The following SNX31 variants were observed in gnomAD, a reference collection of about 807,000 sequenced individuals.
SNX31 encodes sorting nexin-31.
In SNX31, 58 loss-of-function variants were observed where a neutral mutation model predicts 65.4. The ratio of observed to expected loss-of-function variants is 0.89; its 90% CI spans 0.72 to 1.10. The LOEUF is 1.10. Ranked by LOEUF, SNX31 falls within the 50% of genes least tolerant of loss-of-function variation. SNX31 has a pLI of 0.00. For synonymous variants in SNX31, 181 were observed against 190.1 expected, an observed-to-expected ratio of 0.95 and a Z score of 0.39; for missense variants, 523 against 529.7, an observed-to-expected ratio of 0.99 and a Z score of 0.12.
At chr8:100,611,907 G>T in intron 7 of SNX31, 93 bp downstream of exon 7, 1 of 957,020 alleles carries the variant, frequency 1.0e-6, no homozygotes, top group Non-Finnish European at 1.7e-6. Flanking sequence ...CAGCTGTCAG[G>T]CTATGAGCAG....
At chr8:100,653,327 A>G (rs1231124853), upstream of SNX31, among the ~76,000 whole-genome samples, 1 of 152,214 alleles carries the variant, frequency 6.6e-6, no homozygotes, top group East Asian at 1.9e-4. Context: ...CAGAACACCT[A>G]CTCAGAGACT....
In SNX31 at chr8:100,639,906, A is replaced by G. The variant is rs545791895; in HGVS notation, c.142-3895T>C. ...AGAAAGTAAGGAAACATTCAAAACA[A>G]ATGAAAAAAACAAATCAGGAATGGG... On this transcript the variant is annotated intron_variant, in intron 2 of 13. Transcript: ENST00000311812. 2.6e-5 allele frequency among the ~76,000 whole-genome samples: 4 copies of G among 152,300 alleles called. No homozygotes were observed. In the East Asian group the frequency reaches 7.7e-4, roughly 29 times the overall value.
chr8:100,649,369 C>T (rs373944106), intron 1 of SNX31, 21 bp from the exon 2 acceptor site: 80 of 1,613,156 alleles, frequency 5.0e-5, no homozygotes, highest in Middle Eastern at 3.3e-4. Context: ...ACAGACACCC[C>T]GTCCCTGGTG....
chr8:100,659,208 T>C (rs146282200), intron 1 of SNX31, among the ~76,000 whole-genome samples: 2,452 of 152,078 alleles, frequency 0.016, 68 homozygotes, highest in African/African-American at 0.055. Context: ...TAGCCGGGCC[T>C]GGTGGTGGGC....
intron 11 of SNX31, among the ~76,000 whole-genome samples, chr8:100,586,579 T>C (rs1172499797): frequency 1.3e-5 from 2 of 152,214 alleles, no homozygotes; most frequent in African/African-American, 4.8e-5. Flanking sequence ...CCCAAATCTC[T>C]CTATGTCTCT....
At chr8:100,586,800 A>G (rs1189921675) in intron 11 of SNX31, among the ~76,000 whole-genome samples, 2 of 152,216 alleles carry the variant, frequency 1.3e-5, no homozygotes, top group Non-Finnish European at 2.9e-5. Context: ...TGTTCCATGG[A>G]ACTTAGCCTG....
intron 4 of SNX31, among the ~76,000 whole-genome samples, chr8:100,620,470 C>T (rs748983983): frequency 1.3e-5 from 2 of 152,200 alleles, no homozygotes; most frequent in Non-Finnish European, 2.9e-5. Context: ...CTCCCCACCA[C>T]ATGCTTACAA....
At chr8:100,585,027 T>C (rs1408982558) in intron 11 of SNX31, among the ~76,000 whole-genome samples, 2 of 152,124 alleles carry the variant, frequency 1.3e-5, no homozygotes, top group Non-Finnish European at 2.9e-5. Flanking sequence ...CCTGGCCCAC[T>C]TTCTTATTTT....
chr8:100,603,670 C>G (rs1815862783), intron 8 of SNX31, among the ~76,000 whole-genome samples: 1 of 151,492 alleles, frequency 6.6e-6, no homozygotes, highest in Non-Finnish European at 1.5e-5. Context: ...CTCCTGACCT[C>G]AGATACCTCG....
rs368885001 is a variant in SNX31 at position 100,600,433 on chromosome 8, C to A, written c.690G>T (p.Gln230His). The A allele has an allele frequency of 2.2e-5, 36 of 1,610,112 alleles. No homozygotes were observed. Among genetic ancestry groups the A allele is most frequent in the Non-Finnish European group, 2.7e-5 (32 of 1,178,822 alleles). Reference protein sequence around the residue: ...AVDLLYMQAIQDIEKGWAKPT... With the variant: ...AVDLLYMQAIHDIEKGWAKPT... Reference sequence around the variant, plus strand: ...GTTTGGCCCATCCTTTTTCAATGTCCTGTATTGCCTTAAAATAACATAAGT... The same window carrying A: ...GTTTGGCCCATCCTTTTTCAATGTCATGTATTGCCTTAAAATAACATAAGT... Residue 230 changes from glutamine to histidine, a missense_variant, in exon 9 of 14, where the codon CAG becomes CAT. By Grantham distance (24) the Gln-to-His change is conservative. Coordinates refer to ENST00000311812, the MANE Select transcript of SNX31 (RefSeq NM_152628.4).
chr8:100,620,038 A>G (rs1372288806), intron 4 of SNX31: 1 of 152,168 alleles, frequency 6.6e-6, no homozygotes, highest in African/African-American at 2.4e-5. Flanking sequence ...ATTCTGTATC[A>G]TGTTTAAAAT....
At chr8:100,631,042 C>A in intron 3 of SNX31, among the ~76,000 whole-genome samples, 1 of 152,130 alleles carries the variant, frequency 6.6e-6, no homozygotes, top group Non-Finnish European at 1.5e-5. Flanking sequence ...CCTGCCTTGG[C>A]CTCCCAAAAT....
intron 9 of SNX31, among the ~76,000 whole-genome samples, chr8:100,599,486 T>C (rs945183359): frequency 2.6e-5 from 4 of 151,410 alleles, no homozygotes; most frequent in African/African-American, 9.7e-5. Context: ...GGTAGAACAC[T>C]GGGCTGGCAG....
At chr8:100,583,830 T>A (rs1056619691) in intron 12 of SNX31, among the ~76,000 whole-genome samples, 2 of 152,176 alleles carry the variant, frequency 1.3e-5, no homozygotes, top group African/African-American at 4.8e-5. Flanking sequence ...CAGAGAAGGC[T>A]GAAACAAAAT....
chr8:100,620,985 TA>T (rs926567734), intron 4 of SNX31, among the ~76,000 whole-genome samples: 7 of 150,978 alleles, frequency 4.6e-5, no homozygotes, highest in African/African-American at 9.7e-5. Context: ...AAAATACATT[TA>T]AAAAAAAATT....
intron 3 of SNX31, among the ~76,000 whole-genome samples, chr8:100,632,949 G>A (rs766254690): frequency 3.9e-5 from 6 of 152,044 alleles, no homozygotes; most frequent in Admixed American, 1.3e-4. Flanking sequence ...TTTTGAGACA[G>A]GGTCTTTCTC....
chr8:100,633,804 C>A (rs1247803865), intron 3 of SNX31, among the ~76,000 whole-genome samples: 1 of 152,064 alleles, frequency 6.6e-6, no homozygotes, highest in East Asian at 1.9e-4. Context: ...AAAATGTAAA[C>A]ATCTGGGAAA....
rs1240010252 is a variant in SNX31, at chr8:100,630,362, C to T, written c.286G>A (p.Asp96Asn). ...VTMDPNVLRS[D>N]VFVEFLKLAQ... ...AGTTTTAAAAACTCAACGAAGACAT[C>T]ACTTCTCAACACGTTTGGGTCCATG... Residue 96 changes from aspartate (D) to asparagine (N), a missense_variant, in exon 4 of 14, where the codon GAT (aspartate) becomes AAT (asparagine). Physicochemically the swap from Asp to Asn is conservative, Grantham distance 23 (BLOSUM62 1). Coordinates refer to ENST00000311812, the MANE Select transcript of SNX31 (RefSeq NM_152628.4). The surrounding 1 kb of genome is among the most constrained non-coding windows in gnomAD (Gnocchi z 5.3). 1 of 1,613,364 alleles carries T rather than the reference C, an allele frequency of 6.2e-7. No homozygotes were observed. The highest frequency in any genetic ancestry group is 8.5e-7 in the Non-Finnish European group (1 of 1,179,850).
In SNX31 at chr8:100,625,065, C is replaced by T. The variant is rs563327273; in HGVS notation, c.321+5262G>A. 1.3e-5 allele frequency among the ~76,000 whole-genome samples: 2 copies of T among 152,126 alleles called. No individual in the cohort carries two copies. Among genetic ancestry groups the T allele is most frequent in the African/African-American group, 2.4e-5 (1 of 41,422 alleles). ...GCCTCAAGTAATTCTCCCACCTCAG[C>T]CCCCCAAAGTTCTGGGATTACAGGT... is the stretch of plus-strand genomic sequence containing the variant. On this transcript the variant is annotated intron_variant, in intron 4 of 13. Coordinates refer to ENST00000311812, the MANE Select transcript of SNX31 (RefSeq NM_152628.4). This position sits in a 1 kb window ranked among gnomAD's most constrained non-coding sequence, Gnocchi z 4.2.
Sources: gnomAD v4.1 joint callset for allele counts (sites outside exome capture counted in the v4.1 genomes callset) on GRCh38, gnomAD v4.1.1 for gene constraint, Gnocchi (gnomAD v3.1) non-coding constraint, MANE v1.5 for transcripts, NCBI Gene and HGNC (gene_info 2026-07-23, HGNC 2026-07-21) for gene names.